Variants in GPR39 observed in about 807,000 individuals in gnomAD.
GPR39 encodes the protein G protein-coupled receptor 39.
Under a neutral mutation model 18.4 loss-of-function variants are expected in GPR39, and 23 were observed. The observed-to-expected ratio is 1.25, with a 90% confidence interval of 0.90 to 1.77. The LOEUF (loss-of-function observed/expected upper bound fraction) is 1.77. GPR39 is among the 40% of genes most tolerant of loss of function. The probability of loss-of-function intolerance (pLI) is 0.00; values close to 1 mark genes in which losing one functional copy is unlikely to be tolerated. For synonymous variants in GPR39, 280 were observed against 257.9 expected, an observed-to-expected ratio of 1.09 and a Z score of -0.82; for missense variants, 647 against 602.4, an observed-to-expected ratio of 1.07 and a Z score of -0.78.
At chr2:132,556,508 G>C (rs1374328115) in intron 1 of GPR39, among the ~76,000 whole-genome samples, 1 of 152,126 alleles carries the variant, frequency 6.6e-6, no homozygotes, top group Non-Finnish European at 1.5e-5. Flanking sequence ...GAAAGTAGTG[G>C]CCTATGTGGG....
intron 1 of GPR39, among the ~76,000 whole-genome samples, chr2:132,512,636 G>A (rs751447421): frequency 2.0e-5 from 3 of 152,142 alleles, no homozygotes; most frequent in Non-Finnish European, 2.9e-5. Flanking sequence ...CTGTACTAGG[G>A]ACTTAACAAT....
intron 1 of GPR39, among the ~76,000 whole-genome samples, chr2:132,578,454 T>A (rs6736807): frequency 0.091 from 13,849 of 152,156 alleles, 2,015 homozygotes; most frequent in African/African-American, 0.31. Flanking sequence ...ATAGATTTTT[T>A]AAAAATATTT....
chr2:132,588,286 A>G lies in GPR39; in HGVS notation c.857-56815A>G, dbSNP rs1265606403. ...CACTTGCACCTTCTCCCTTCTCAGCAGAAGTAAGAGCTCTGTATCCCTTGG... is the reference window on the plus strand; with the variant it reads ...CACTTGCACCTTCTCCCTTCTCAGCGGAAGTAAGAGCTCTGTATCCCTTGG... On this transcript the variant is annotated intron_variant, in intron 1 of 1. Transcript: ENST00000329321. Among the ~76,000 whole-genome samples the G allele has an allele frequency of 3.3e-5, 5 of 152,188 alleles. No individual in the cohort carries two copies. In the East Asian group the frequency reaches 9.6e-4, roughly 29 times the overall value.
chr2:132,511,788 C>T (rs767095952), intron 1 of GPR39, among the ~76,000 whole-genome samples: 1 of 152,228 alleles, frequency 6.6e-6, no homozygotes, highest in African/African-American at 2.4e-5. Context: ...CTACCAACCA[C>T]TCTGTGAGGC....
chr2:132,625,842 G>A (rs530724242), intron 1 of GPR39, among the ~76,000 whole-genome samples: 2 of 152,316 alleles, frequency 1.3e-5, no homozygotes, highest in African/African-American at 4.8e-5. Context: ...GCTGGGTGCA[G>A]TGGCTCACCA....
intron 1 of GPR39, among the ~76,000 whole-genome samples, chr2:132,557,666 C>T (rs1558838783): frequency 1.3e-5 from 2 of 152,036 alleles, no homozygotes; most frequent in East Asian, 3.9e-4. Flanking sequence ...GGCTGCTCCA[C>T]CGCAGTCAGA....
rs72847401 is a variant in GPR39 at position 132,486,819 on chromosome 2, T to C, written c.856+68921T>C. Among the ~76,000 whole-genome samples the C allele has an allele frequency of 6.9e-3, 1,051 of 152,360 alleles. 4 individuals are homozygous for C. Among genetic ancestry groups the C allele is most frequent in the Admixed American group, 0.015 (229 of 15,308 alleles). On this transcript the variant is annotated intron_variant, in intron 1 of 1. Coordinates refer to ENST00000329321, the MANE Select transcript of GPR39 (RefSeq NM_001508.3). ...CTGTTTTACTTTCTTATTGATATGT[T>C]CACTGGAAAGGCAGTTTTAATTTTC...
At chr2:132,466,998 CA>C (rs1434946002) in intron 1 of GPR39, among the ~76,000 whole-genome samples, 1 of 151,996 alleles carries the variant, frequency 6.6e-6, no homozygotes, top group Non-Finnish European at 1.5e-5. Flanking sequence ...AAGTACCTGC[CA>C]AAAAATGGTG....
At chr2:132,507,655 A>G (rs1558820356) in intron 1 of GPR39, among the ~76,000 whole-genome samples, 2 of 152,204 alleles carry the variant, frequency 1.3e-5, no homozygotes, top group Non-Finnish European at 2.9e-5. Context: ...CTCATCCCAG[A>G]TATCAGCTGC....
chr2:132,538,558 T>C (rs1679802240), intron 1 of GPR39, among the ~76,000 whole-genome samples: 1 of 152,224 alleles, frequency 6.6e-6, no homozygotes, highest in Non-Finnish European at 1.5e-5. Context: ...ATCTGTTCCT[T>C]AGCAGAGCTA....
intron 1 of GPR39, among the ~76,000 whole-genome samples, chr2:132,543,199 A>G (rs1037854887): frequency 2.0e-5 from 3 of 152,224 alleles, no homozygotes; most frequent in Non-Finnish European, 2.9e-5. Context: ...TCCTGAAAGC[A>G]GGTTTCTGGT....
At chr2:132,511,144 C>T (rs1679234018) in intron 1 of GPR39, among the ~76,000 whole-genome samples, 1 of 152,184 alleles carries the variant, frequency 6.6e-6, no homozygotes, top group Non-Finnish European at 1.5e-5. Context: ...AGCATCCCAT[C>T]GTGAAGCAAG....
At chr2:132,503,030 G>T (rs892505200) in intron 1 of GPR39, among the ~76,000 whole-genome samples, 3 of 152,190 alleles carry the variant, frequency 2.0e-5, no homozygotes, top group African/African-American at 4.8e-5. Context: ...GTGCCTCCTT[G>T]ATTAGATTAA....
intron 1 of GPR39, among the ~76,000 whole-genome samples, chr2:132,630,836 A>G (rs1431393635): frequency 6.6e-6 from 1 of 152,188 alleles, no homozygotes; most frequent in Admixed American, 6.5e-5. Flanking sequence ...GAAAACCTCA[A>G]TGCATGGCAT....
intron 1 of GPR39, among the ~76,000 whole-genome samples, chr2:132,496,218 C>T (rs747362748): frequency 8.5e-5 from 13 of 152,218 alleles, no homozygotes; most frequent in Admixed American, 4.6e-4. Context: ...TTTTTTCACC[C>T]TTCCTGAAAC....
intron 1 of GPR39, among the ~76,000 whole-genome samples, chr2:132,626,815 A>G (rs933424787): frequency 2.0e-5 from 3 of 152,228 alleles, no homozygotes; most frequent in African/African-American, 7.2e-5. Context: ...TATGGTTGGA[A>G]GTAAGTGAAA....
intron 1 of GPR39, among the ~76,000 whole-genome samples, chr2:132,578,551 T>A (rs1203598785): frequency 6.6e-6 from 1 of 152,166 alleles, no homozygotes; most frequent in Non-Finnish European, 1.5e-5. Context: ...TCCTTAATAG[T>A]TACAGGGCTA....
At chr2:132,451,492 G>A (rs974701403) in intron 1 of GPR39, among the ~76,000 whole-genome samples, 1 of 152,138 alleles carries the variant, frequency 6.6e-6, no homozygotes, top group East Asian at 1.9e-4. Context: ...TGGATGAGTG[G>A]ATAGGTAAAT....
chr2:132,559,981 G>A (rs58883825), intron 1 of GPR39, among the ~76,000 whole-genome samples: 7,579 of 151,982 alleles, frequency 0.05, 626 homozygotes, highest in African/African-American at 0.17. Flanking sequence ...GAGGATGAGG[G>A]CTTGTCACCT....
Sources: gnomAD v4.1 joint callset for allele counts (sites outside exome capture counted in the v4.1 genomes callset) on GRCh38, gnomAD v4.1.1 for gene constraint, MANE v1.5 for transcripts, NCBI Gene and HGNC (gene_info 2026-07-23, HGNC 2026-07-21) for gene names.